MARCHF1: variants seen among roughly 807,000 people sequenced by gnomAD.
The protein encoded by MARCHF1 is membrane associated ring-CH-type finger 1, also known as E3 ubiquitin-protein ligase MARCHF1.
Under a neutral mutation model 54.2 loss-of-function variants are expected in MARCHF1, and 40 were observed. The ratio of observed to expected loss-of-function variants is 0.74; its 90% CI spans 0.57 to 0.96. MARCHF1 has a LOEUF of 0.96. Ranked by LOEUF, MARCHF1 falls within the 40% of genes least tolerant of loss-of-function variation. The probability of loss-of-function intolerance (pLI) is 0.00; values close to 1 mark genes in which losing one functional copy is unlikely to be tolerated. For missense variants in MARCHF1, 586 were observed against 656.5 expected (o/e 0.89, Z 1.17); for synonymous variants, 236 against 236.3 (o/e 1.00, Z 0.01).
Position 164,311,622 on chromosome 4 carries a change from T to A in MARCHF1, c.-323+72248A>T, listed in dbSNP as rs142839761. Among the ~76,000 whole-genome samples the A allele has an allele frequency of 7.2e-5, 11 of 152,310 alleles. No individual in the cohort carries two copies. The East Asian group carries it at 2.1e-3, about 29-fold the overall frequency. On this transcript the variant is annotated intron_variant, in intron 1 of 9. Transcript: ENST00000514618. ...AAAAAATATGGTTCTAAATATCATC[T>A]TGAGTCCTATTAATCTTGGTGATTA...
chr4:164,101,800 C>A (rs540880160), intron 2 of MARCHF1, among the ~76,000 whole-genome samples: 81 of 149,604 alleles, frequency 5.4e-4, no homozygotes, highest in African/African-American at 1.9e-3. Context: ...AGGCTTCAGA[C>A]GATCAAATTA....
intron 5 of MARCHF1, among the ~76,000 whole-genome samples, chr4:163,688,098 T>C (rs754038106): frequency 1.3e-5 from 2 of 151,662 alleles, no homozygotes; most frequent in Non-Finnish European, 2.9e-5. Flanking sequence ...GTAGGACACA[T>C]GGAAACAGCT....
chr4:163,940,399 A>G (rs909531586), intron 3 of MARCHF1, among the ~76,000 whole-genome samples: 3 of 152,082 alleles, frequency 2.0e-5, no homozygotes, highest in Non-Finnish European at 4.4e-5. Context: ...GTTTCTGTAA[A>G]TATCTATAAA....
At chr4:163,981,867 A>T (rs1333820264) in intron 3 of MARCHF1, among the ~76,000 whole-genome samples, 1 of 152,218 alleles carries the variant, frequency 6.6e-6, no homozygotes, top group Non-Finnish European at 1.5e-5. Context: ...GAGTCTCATT[A>T]AATCAGTAAA....
At chr4:164,262,154 C>G (rs1489722833) in intron 1 of MARCHF1, among the ~76,000 whole-genome samples, 2 of 149,064 alleles carry the variant, frequency 1.3e-5, no homozygotes, top group African/African-American at 2.5e-5. Flanking sequence ...GAGAAAGGAT[C>G]TTATTTATCA....
chr4:164,187,846 G>A (rs773638966), intron 1 of MARCHF1, among the ~76,000 whole-genome samples: 5 of 152,136 alleles, frequency 3.3e-5, no homozygotes, highest in East Asian at 1.9e-4. Flanking sequence ...ATTCAGCCTT[G>A]ATGGCAGACA....
intron 1 of MARCHF1, among the ~76,000 whole-genome samples, chr4:164,305,897 G>A (rs945226132): frequency 6.6e-5 from 10 of 152,038 alleles, no homozygotes; most frequent in Admixed American, 4.6e-4. Flanking sequence ...ATTATTATAT[G>A]TCAACTAAAA....
intron 5 of MARCHF1, among the ~76,000 whole-genome samples, chr4:163,690,074 C>T (rs550464317): frequency 1.4e-4 from 22 of 152,200 alleles, no homozygotes; most frequent in Admixed American, 5.9e-4. Flanking sequence ...GAGCTGTCTA[C>T]ACTCCTGGTG....
chr4:163,781,512 T>C (rs541267891), intron 4 of MARCHF1, among the ~76,000 whole-genome samples: 3 of 152,314 alleles, frequency 2.0e-5, no homozygotes, highest in African/African-American at 4.8e-5. Flanking sequence ...GTATTATTCA[T>C]TGGAAATAAT....
chr4:164,051,100 C>A (rs1038298353), intron 2 of MARCHF1, among the ~76,000 whole-genome samples: 2 of 152,080 alleles, frequency 1.3e-5, no homozygotes, highest in African/African-American at 2.4e-5. Flanking sequence ...CCTGTGTGCA[C>A]CACGAATTGG....
intron 4 of MARCHF1, among the ~76,000 whole-genome samples, chr4:163,761,417 T>C (rs1746821988): frequency 6.6e-6 from 1 of 152,212 alleles, no homozygotes; most frequent in African/African-American, 2.4e-5. Context: ...CATCTCTTGC[T>C]ATCTGTGACC....
At chr4:163,596,218 A>T (rs1486586458) in intron 7 of MARCHF1, among the ~76,000 whole-genome samples, 1 of 152,128 alleles carries the variant, frequency 6.6e-6, no homozygotes, top group Non-Finnish European at 1.5e-5. Context: ...TTAAGCTTTC[A>T]ATTAAGCTCC....
chr4:163,842,479 C>A (rs1444815801), intron 4 of MARCHF1, among the ~76,000 whole-genome samples: 2 of 151,948 alleles, frequency 1.3e-5, no homozygotes, highest in South Asian at 2.1e-4. Context: ...ATATTTGTAT[C>A]TTTACCTGAG....
At chr4:163,585,637 C>G in intron 8 of MARCHF1, 112 bp downstream of exon 8, 2 of 829,966 alleles carry the variant, frequency 2.4e-6, no homozygotes, top group Non-Finnish European at 3.7e-6. Context: ...GACACATACC[C>G]TTAATGGATA....
intron 4 of MARCHF1, among the ~76,000 whole-genome samples, chr4:163,741,681 C>T (rs1746201063): frequency 6.6e-6 from 1 of 152,108 alleles, no homozygotes; most frequent in African/African-American, 2.4e-5. Context: ...TGTTTTCCTT[C>T]CCGTGTCACA....
At chr4:163,763,207 C>T (rs144954056) in intron 4 of MARCHF1, among the ~76,000 whole-genome samples, 2 of 151,992 alleles carry the variant, frequency 1.3e-5, no homozygotes, top group African/African-American at 2.4e-5. Context: ...AAGGGAGGCC[C>T]TAGCAAATCC....
At chr4:163,545,945 A>ATGTG (rs1491111817) in intron 8 of MARCHF1, among the ~76,000 whole-genome samples, 6 of 91,192 alleles carry the variant, frequency 6.6e-5, no homozygotes, top group African/African-American at 2.2e-4. Context: ...ACTTAAATAC[A>ATGTG]TATGTGTGTG....
intron 1 of MARCHF1, among the ~76,000 whole-genome samples, chr4:164,114,572 CT>C (rs1755901772): frequency 6.6e-6 from 1 of 151,344 alleles, no homozygotes; most frequent in African/African-American, 2.4e-5. Flanking sequence ...TTAAAATTTG[CT>C]TTTTCCCAGT....
chr4:164,343,469 A>G (rs1046751428), intron 1 of MARCHF1, among the ~76,000 whole-genome samples: 2 of 152,216 alleles, frequency 1.3e-5, no homozygotes, highest in Non-Finnish European at 2.9e-5. Flanking sequence ...TATGCATTCA[A>G]CAAAGGTCTA....
Sources: gnomAD v4.1 joint callset for allele counts (sites outside exome capture counted in the v4.1 genomes callset) on GRCh38, gnomAD v4.1.1 for gene constraint, MANE v1.5 for transcripts, NCBI Gene and HGNC (gene_info 2026-07-23, HGNC 2026-07-21) for gene names.